Variants in DMD observed in about 807,000 individuals in gnomAD.
DMD encodes mutant dystrophin.
In DMD, 63 loss-of-function variants were observed where a neutral mutation model predicts 330.1. The observed-to-expected ratio is 0.19, with a 90% CI of 0.16 to 0.24. The LOEUF (loss-of-function observed/expected upper bound fraction) is 0.24, where lower values mean the gene tolerates loss of function less well. DMD is among the 10% of genes least tolerant of loss of function. The probability of loss-of-function intolerance (pLI) is 1.00; values close to 1 mark genes in which losing one functional copy is unlikely to be tolerated. For synonymous variants in DMD, 1,223 were observed against 959.8 expected (o/e 1.27, Z -5.07); for missense variants, 3,344 against 2,684.1 (o/e 1.25, Z -5.43).
chrX:31,624,376 T>A (rs966830418), intron 55 of DMD, among the ~76,000 whole-genome samples: 1 of 112,193 alleles, frequency 8.9e-6, no homozygotes, highest in Admixed American at 9.5e-5. Flanking sequence ...GAAGAATTAA[T>A]CATGTTAATT....
At chrX:32,430,985 A>T (rs753349292) in intron 29 of DMD, among the ~76,000 whole-genome samples, 1 of 112,067 alleles carries the variant, frequency 8.9e-6, no homozygotes, top group Non-Finnish European at 1.9e-5. Context: ...GGTTGTCTCT[A>T]TATCTTTGCT....
chrX:32,160,829 GAAC>G (rs2096846924), intron 44 of DMD, among the ~76,000 whole-genome samples: 1 of 111,480 alleles, frequency 9.0e-6, no homozygotes, highest in African/African-American at 3.3e-5. Flanking sequence ...TTTTGTTAAT[GAAC>G]AACATAAGAT....
At chrX:33,308,459 A>AAC (rs1057321327) in intron 1 of DMD, among the ~76,000 whole-genome samples, 2 of 112,393 alleles carry the variant, frequency 1.8e-5, no homozygotes, top group East Asian at 2.8e-4. Flanking sequence ...ATAGGAATTA[A>AAC]ACTCCAATAT....
intron 62 of DMD, among the ~76,000 whole-genome samples, chrX:31,283,111 G>C (rs1288295025): frequency 1.8e-5 from 2 of 111,199 alleles, no homozygotes; most frequent in East Asian, 5.6e-4. Flanking sequence ...TTTAGTGAAA[G>C]AACTCAGAGA....
At chrX:33,212,888 T>G (rs1486453761), upstream of DMD, among the ~76,000 whole-genome samples, 2 of 111,793 alleles carry the variant, frequency 1.8e-5, no homozygotes, top group African/African-American at 3.3e-5. Context: ...TGGGGCTGAT[T>G]TGGCTCTAAG....
At chrX:31,809,755 T>G (rs5927043) in intron 50 of DMD, among the ~76,000 whole-genome samples, 13,996 of 110,343 alleles carry the variant, frequency 0.13, 713 homozygotes, top group East Asian at 0.26. Flanking sequence ...CCTGGAAGAT[T>G]TGCATCAATG....
At chrX:32,141,910 G>A (rs1045196545) in intron 44 of DMD, among the ~76,000 whole-genome samples, 29 of 111,681 alleles carry the variant, frequency 2.6e-4, no homozygotes, top group African/African-American at 8.5e-4. Context: ...ATCAGATTTC[G>A]TTGATACGTT....
At chrX:32,606,504 T>C (rs1440282647) in intron 12 of DMD, among the ~76,000 whole-genome samples, 3 of 109,682 alleles carry the variant, frequency 2.7e-5, no homozygotes, top group Non-Finnish European at 5.8e-5. Flanking sequence ...TATGGAGATT[T>C]CTCAAAGAAC....
chrX:32,915,381 A>T (rs1000075382), intron 2 of DMD, among the ~76,000 whole-genome samples: 1 of 112,102 alleles, frequency 8.9e-6, no homozygotes, highest in Non-Finnish European at 1.9e-5. Flanking sequence ...TGATTTCTGA[A>T]TTTTTAGGCG....
At chrX:31,158,176 C>T (rs2038378239) in intron 74 of DMD, among the ~76,000 whole-genome samples, 1 of 111,018 alleles carries the variant, frequency 9.0e-6, no homozygotes, top group Non-Finnish European at 1.9e-5. Flanking sequence ...CCATAACAGA[C>T]AATAAGTAGA....
rs753721812 is a variant in DMD, at chrX:31,874,904, T to G, written c.7098+284A>C. 4.5e-5 allele frequency among the ~76,000 whole-genome samples: 5 copies of G among 111,056 alleles called. No homozygotes were observed. In the South Asian group the frequency reaches 1.9e-3, roughly 43 times the overall value. On this transcript the variant is annotated intron_variant, in intron 48 of 78. Coordinates refer to ENST00000357033, the MANE Select transcript of DMD (RefSeq NM_004006.3). ...CCCACTTACCCCTGATGTTTCCTCTTAATAATTTTCCATCTACTGACTCCT... is the reference window on the plus strand; with the variant it reads ...CCCACTTACCCCTGATGTTTCCTCTGAATAATTTTCCATCTACTGACTCCT...
intron 9 of DMD, among the ~76,000 whole-genome samples, chrX:32,697,310 A>C (rs1311564135): frequency 1.8e-5 from 2 of 111,670 alleles, no homozygotes; most frequent in African/African-American, 6.5e-5. Context: ...TTTCAGTGTG[A>C]CTTTTTCTTA....
intron 60 of DMD, among the ~76,000 whole-genome samples, chrX:31,372,338 A>C (rs1309706864): frequency 8.9e-6 from 1 of 112,275 alleles, no homozygotes; most frequent in Non-Finnish European, 1.9e-5. Flanking sequence ...TTCACTCCTC[A>C]TGACAAGGGT....
intron 1 of DMD, among the ~76,000 whole-genome samples, chrX:33,196,571 T>G (rs1241971249): frequency 8.9e-6 from 1 of 112,079 alleles, no homozygotes; most frequent in Admixed American, 9.5e-5. Flanking sequence ...TTTATACAAG[T>G]TGGTATCCAA....
chrX:32,860,823 G>T (rs970932017), intron 2 of DMD, among the ~76,000 whole-genome samples: 1 of 110,942 alleles, frequency 9.0e-6, no homozygotes, highest in Non-Finnish European at 1.9e-5. Flanking sequence ...CCACTATGAC[G>T]ACTTGTGGCA....
At chrX:32,383,145 C>G (rs1603632185) in intron 33 of DMD, among the ~76,000 whole-genome samples, 1 of 110,394 alleles carries the variant, frequency 9.1e-6, no homozygotes, top group South Asian at 3.8e-4. Context: ...TTTTCTCTCC[C>G]CACTCATCAC....
chrX:31,768,405 T>C (rs1462732930), intron 51 of DMD, among the ~76,000 whole-genome samples: 2 of 110,021 alleles, frequency 1.8e-5, no homozygotes, highest in Non-Finnish European at 3.8e-5. Context: ...TCTTGTCTTT[T>C]TTTCTTTCCT....
At chrX:32,751,957 G>A (rs933976244) in intron 7 of DMD, among the ~76,000 whole-genome samples, 8 of 112,852 alleles carry the variant, frequency 7.1e-5, no homozygotes, top group Non-Finnish European at 1.1e-4. Flanking sequence ...CAAGAACTGC[G>A]GTTTGGGAAC....
At chrX:32,388,201 G>A (rs2097973084) in intron 32 of DMD, among the ~76,000 whole-genome samples, 1 of 111,027 alleles carries the variant, frequency 9.0e-6, no homozygotes, top group African/African-American at 3.3e-5. Context: ...CTTGACACAG[G>A]TGAGATTGTT....
Sources: gnomAD v4.1 joint callset for allele counts (sites outside exome capture counted in the v4.1 genomes callset) on GRCh38, gnomAD v4.1.1 for gene constraint, MANE v1.5 for transcripts, NCBI Gene and HGNC (gene_info 2026-07-23, HGNC 2026-07-21) for gene names.